The following MECOM variants were observed in gnomAD, a reference collection of about 807,000 sequenced individuals.
MECOM encodes the protein MDS1 and EVI1 complex locus.
A neutral mutation model predicts 116.3 loss-of-function variants in MECOM; 13 were observed. That is an observed-to-expected ratio of 0.11 (90% CI 0.07 to 0.18). The LOEUF is 0.18. MECOM is among the 10% of genes least tolerant of loss of function. MECOM has a pLI of 1.00. For synonymous variants in MECOM, 528 were observed against 535.2 expected, an observed-to-expected ratio of 0.99 and a Z score of 0.19; for missense variants, 1,299 against 1,509.0, an observed-to-expected ratio of 0.86 and a Z score of 2.31.
chr3:169,449,024 C>G (rs1423194616), intron 1 of MECOM, among the ~76,000 whole-genome samples: 1 of 152,108 alleles, frequency 6.6e-6, no homozygotes, highest in African/African-American at 2.4e-5. Flanking sequence ...TAGTATCTGT[C>G]AACAGAGAGA....
chr3:169,226,385 T>C (rs1752732713), intron 2 of MECOM, among the ~76,000 whole-genome samples: 3 of 152,230 alleles, frequency 2.0e-5, no homozygotes, highest in Admixed American at 2.0e-4. Context: ...AAGGAATTTA[T>C]AATAACTGTA....
At chr3:169,179,326 C>T (rs1366146943) in intron 2 of MECOM, among the ~76,000 whole-genome samples, 1 of 152,148 alleles carries the variant, frequency 6.6e-6, no homozygotes, top group African/African-American at 2.4e-5. Context: ...ACTCTCAATG[C>T]TAGTGTGTTA....
chr3:169,598,198 A>T (rs2109710441), intron 1 of MECOM, among the ~76,000 whole-genome samples: 1 of 152,338 alleles, frequency 6.6e-6, no homozygotes. Context: ...CCTGCTATCA[A>T]TCTGAAAATA....
intron 1 of MECOM, among the ~76,000 whole-genome samples, chr3:169,521,800 G>A (rs7639151): frequency 6.6e-6 from 1 of 152,148 alleles, no homozygotes; most frequent in Admixed American, 6.5e-5. Flanking sequence ...ATATCCGTGG[G>A]TTCCATATCT....
intron 1 of MECOM, among the ~76,000 whole-genome samples, chr3:169,493,087 T>C (rs1026645359): frequency 6.6e-6 from 1 of 152,192 alleles, no homozygotes; most frequent in Non-Finnish European, 1.5e-5. Flanking sequence ...CGCTGAAACT[T>C]TAGCTAATAT....
intron 2 of MECOM, among the ~76,000 whole-genome samples, chr3:169,339,253 C>T (rs1258512416): frequency 6.6e-6 from 1 of 152,172 alleles, no homozygotes; most frequent in African/African-American, 2.4e-5. Flanking sequence ...GACTCCACAC[C>T]AGGGGTTTTC....
intron 2 of MECOM, among the ~76,000 whole-genome samples, chr3:169,258,792 C>G (rs373891097): frequency 1.6e-4 from 24 of 152,212 alleles, no homozygotes; most frequent in African/African-American, 5.5e-4. Flanking sequence ...CTCCACTGCC[C>G]TAACACCCAT....
intron 2 of MECOM, among the ~76,000 whole-genome samples, chr3:169,183,613 A>G (rs1177607005): frequency 6.6e-6 from 1 of 152,088 alleles, no homozygotes; most frequent in Non-Finnish European, 1.5e-5. Flanking sequence ...TGAACTGAGC[A>G]GCTCCTCCTG....
intron 2 of MECOM, among the ~76,000 whole-genome samples, chr3:169,271,334 A>G (rs562454448): frequency 3.3e-5 from 5 of 152,362 alleles, no homozygotes; most frequent in Admixed American, 2.6e-4. Flanking sequence ...TCTCATCACC[A>G]GGCATATTTT....
chr3:169,558,838 A>G (rs1337200204), intron 1 of MECOM, among the ~76,000 whole-genome samples: 1 of 152,148 alleles, frequency 6.6e-6, no homozygotes, highest in Non-Finnish European at 1.5e-5. Flanking sequence ...TATTCAACTT[A>G]CCAATGCTTA....
In MECOM at chr3:169,212,830, G is replaced by A. The variant is rs995528717; in HGVS notation, c.376-68998C>T. On this transcript the variant is annotated intron_variant, in intron 2 of 16. Transcript: ENST00000651503. ...AATATGCCAAGCTCCTGCTTGCCTTGAGGTCTTCACACCTGCTGTGGCCTC... is the reference window on the plus strand; with the variant it reads ...AATATGCCAAGCTCCTGCTTGCCTTAAGGTCTTCACACCTGCTGTGGCCTC... Among the ~76,000 whole-genome samples the A allele has an allele frequency of 3.3e-5, 5 of 150,812 alleles. No individual in the cohort carries two copies. In the East Asian group the frequency reaches 9.8e-4, roughly 30 times the overall value.
chr3:169,165,151 T>C (rs1326898721), intron 2 of MECOM, among the ~76,000 whole-genome samples: 1 of 152,190 alleles, frequency 6.6e-6, no homozygotes, highest in Non-Finnish European at 1.5e-5. Context: ...TAGATACATG[T>C]CATCGGAAAG....
chr3:169,194,838 A>G (rs1285958377), intron 2 of MECOM, among the ~76,000 whole-genome samples: 2 of 152,044 alleles, frequency 1.3e-5, no homozygotes, highest in Admixed American at 6.6e-5. Flanking sequence ...TGACCATTAA[A>G]AACATACATA....
chr3:169,153,018 G>A (rs889180660), intron 2 of MECOM, among the ~76,000 whole-genome samples: 3 of 152,248 alleles, frequency 2.0e-5, no homozygotes, highest in African/African-American at 7.2e-5. Flanking sequence ...TTAAACTCCA[G>A]TTAAGGTTGC....
At chr3:169,498,296 A>C (rs751679098) in intron 1 of MECOM, among the ~76,000 whole-genome samples, 7 of 152,228 alleles carry the variant, frequency 4.6e-5, no homozygotes, top group Non-Finnish European at 1.0e-4. Flanking sequence ...TAACAGACCA[A>C]AATGGCAGTG....
intron 1 of MECOM, among the ~76,000 whole-genome samples, chr3:169,546,344 G>C (rs1468206341): frequency 6.6e-6 from 1 of 152,128 alleles, no homozygotes; most frequent in African/African-American, 2.4e-5. Context: ...CAACATGACT[G>C]TAAAATATAC....
intron 1 of MECOM, among the ~76,000 whole-genome samples, chr3:169,488,399 A>T (rs6788788): frequency 0.14 from 20,878 of 144,692 alleles, 1,794 homozygotes; most frequent in African/African-American, 0.22. Context: ...AAAAAAAATT[A>T]GCCAGGTGTG....
chr3:169,175,478 A>G (rs1745022254), intron 2 of MECOM, among the ~76,000 whole-genome samples: 1 of 152,178 alleles, frequency 6.6e-6, no homozygotes, highest in Non-Finnish European at 1.5e-5. Flanking sequence ...TAAAACAAAT[A>G]AATTTTGTGT....
intron 16 of MECOM, among the ~76,000 whole-genome samples, chr3:169,088,047 G>C (rs1186481724): frequency 4.0e-5 from 6 of 151,888 alleles, no homozygotes; most frequent in Admixed American, 3.9e-4. Context: ...AACTTCCTTG[G>C]GATATTATTA....
Sources: gnomAD v4.1 joint callset for allele counts (sites outside exome capture counted in the v4.1 genomes callset) on GRCh38, gnomAD v4.1.1 for gene constraint, MANE v1.5 for transcripts, NCBI Gene and HGNC (gene_info 2026-07-23, HGNC 2026-07-21) for gene names.